Variants in CKAP4 observed in about 807,000 individuals in gnomAD.
CKAP4 encodes cytoskeleton-associated protein 4.
CKAP4 carries 20 observed loss-of-function variants against 24.4 expected under a neutral mutation model. That is an observed-to-expected ratio of 0.82 (90% CI 0.58 to 1.19). The LOEUF (loss-of-function observed/expected upper bound fraction) is 1.19. Among genes scored for constraint, CKAP4 ranks in the 50% most tolerant of loss-of-function variants. The pLI is 0.00. For missense variants in CKAP4, 744 were observed against 765.3 expected, an observed-to-expected ratio of 0.97 and a Z score of 0.33; for synonymous variants, 378 against 351.7, an observed-to-expected ratio of 1.07 and a Z score of -0.84.
Position 106,239,944 on chromosome 12 carries a change from G to C in CKAP4, c.889C>G (p.Gln297Glu). Residue 297 changes from glutamine (Q) to glutamate (E), a missense_variant, in exon 2 of 2, where the codon CAG becomes GAG. Around this residue, in one of 3 missense-constraint regions of CKAP4, gnomAD observed 401 missense variants for 424.5 expected, o/e 0.94. Coordinates refer to ENST00000378026, the MANE Select transcript of CKAP4 (RefSeq NM_006825.4). The surrounding 1 kb of genome is among the most constrained non-coding windows in gnomAD (Gnocchi z 4.9). ...CACTCTCTGGACTTGGCTGAGGTCT[G>C]TATCTCCTTCACAGCTTCCTTTAAG... ...KALKEAVKEI[Q>E]TSAKSREWDM... 1 of 1,614,048 alleles carries C rather than the reference G, an allele frequency of 6.2e-7. No individual in the cohort carries two copies. The highest frequency in any genetic ancestry group is 2.2e-5 in the East Asian group (1 of 44,874).
At position 106,247,968 on chromosome 12, in the gene CKAP4, G is replaced by A; in HGVS notation, c.-117C>T. The A allele has an allele frequency of 1.6e-6, 1 of 621,416 alleles. No individual in the cohort carries two copies. Among genetic ancestry groups the A allele is most frequent in the Non-Finnish European group, 2.0e-6 (1 of 494,488 alleles). The allele number at this position is 621,416 out of a possible 1,614,324, so 38.5% of individuals were successfully genotyped here. A position where few individuals can be genotyped will look rare whatever the true frequency, so the allele number is the denominator to read the frequency against. On this transcript the variant is annotated 5_prime_UTR_variant, in exon 1 of 2. Transcript: ENST00000378026. The surrounding 1 kb of genome is among the most constrained non-coding windows in gnomAD (Gnocchi z 4.5). Reference sequence around the variant, plus strand: ...GGCGAGCGGCACGCGGGCGCTGCTGGCGTCGGAGCGGCGAGAGGACGCGCG... The same window carrying A: ...GGCGAGCGGCACGCGGGCGCTGCTGACGTCGGAGCGGCGAGAGGACGCGCG...
rs555983559 is a variant in CKAP4, at chr12:106,244,911, C to T, written c.483+2458G>A. On this transcript the variant is annotated intron_variant, in intron 1 of 1. Coordinates refer to ENST00000378026, the MANE Select transcript of CKAP4 (RefSeq NM_006825.4). ...TCATTGTGTGGGTGGGAAAACTGAG[C>T]CCCAAAGAAGAAAGTGATCTATATA... 3.3e-5 allele frequency among the ~76,000 whole-genome samples: 5 copies of T among 152,172 alleles called. No homozygotes were observed. The South Asian group carries it at 8.3e-4, about 25-fold the overall frequency.
chr12:106,247,665 C>G lies in CKAP4; in HGVS notation c.187G>C (p.Ala63Pro). ...CCGCGGTGGCCGCCCTTGCCGTGCG[C>G]CTGGTTCTGCGGGTGCTGCTGCGGG... Reference protein sequence around the residue: ...QHPQQHPQNQAHGKGGHRGGG... With the variant: ...QHPQQHPQNQPHGKGGHRGGG... Residue 63 changes from alanine to proline, a missense_variant, in exon 1 of 2, where the codon GCG becomes CCG. Ala to Pro is a conservative substitution (Grantham distance 27, BLOSUM62 -1). Transcript: ENST00000378026. The surrounding 1 kb of genome is among the most constrained non-coding windows in gnomAD (Gnocchi z 4.5). The G allele has an allele frequency of 9.0e-7, 1 of 1,108,334 alleles. No homozygotes were observed. Among genetic ancestry groups the G allele is most frequent in the Non-Finnish European group, 1.1e-6 (1 of 891,614 alleles). 68.7% of individuals were successfully genotyped at this position (1,108,334 alleles called of 1,614,324 possible).
In CKAP4 at chr12:106,239,499, T is replaced by G. The variant is rs998058492; in HGVS notation, c.1334A>C (p.Glu445Ala). 1 of 1,608,584 alleles carries G rather than the reference T, an allele frequency of 6.2e-7. No individual in the cohort carries two copies. Reference sequence around the variant, plus strand: ...CCCCTGCAGGGCGGCCAGGCGCTGCTCGTGCTCCTGGCTCTTGGACAGGAG... The same window carrying G: ...CCCCTGCAGGGCGGCCAGGCGCTGCGCGTGCTCCTGGCTCTTGGACAGGAG... Reference protein sequence around the residue: ...ESLLSKSQEHEQRLAALQGRL... With the variant: ...ESLLSKSQEHAQRLAALQGRL... Residue 445 changes from glutamate (E) to alanine (A), a missense_variant, in exon 2 of 2, where the codon GAG becomes GCG. This residue lies in a region of CKAP4 where 401 missense variants were observed against 424.5 expected (regional missense o/e 0.94). Transcript: ENST00000378026. The surrounding 1 kb of genome is among the most constrained non-coding windows in gnomAD (Gnocchi z 4.9).
intron 1 of CKAP4, among the ~76,000 whole-genome samples, chr12:106,244,977 G>A (rs2033995889): frequency 6.6e-6 from 1 of 152,068 alleles, no homozygotes; most frequent in Admixed American, 6.6e-5. Context: ...AAAAAGAAGG[G>A]ACTAAGTGAG....
Position 106,247,071 on chromosome 12 carries a change from CCT to C in CKAP4, c.483+296_483+297del, listed in dbSNP as rs2136538030. 1 of 350,918 alleles carries C rather than the reference CCT, an allele frequency of 2.8e-6. No individual in the cohort carries two copies. The highest frequency in any genetic ancestry group is 5.0e-5 in the East Asian group (1 of 19,976). 21.7% of individuals were successfully genotyped at this position (350,918 alleles called of 1,614,324 possible). On this transcript the variant is annotated intron_variant, in intron 1 of 1. Coordinates refer to ENST00000378026, the MANE Select transcript of CKAP4 (RefSeq NM_006825.4). This position sits in a 1 kb window ranked among gnomAD's most constrained non-coding sequence, Gnocchi z 4.5. ...CTTCCTTACAGGTCACCGCTAATGC[CCT>C]GTGACAGGCCCTTGGCCCACCCTGC...
In CKAP4 at chr12:106,247,226, G is replaced by A. The variant is rs1222433084; in HGVS notation, c.483+143C>T. 3.8e-5 allele frequency: 25 copies of A among 655,994 alleles called. No individual in the cohort carries two copies. Among genetic ancestry groups the A allele is most frequent in the Non-Finnish European group, 5.6e-5 (23 of 411,450 alleles). 40.6% of individuals were successfully genotyped at this position (655,994 alleles called of 1,614,324 possible). On this transcript the variant is annotated intron_variant, in intron 1 of 1. Coordinates refer to ENST00000378026, the MANE Select transcript of CKAP4 (RefSeq NM_006825.4). The surrounding 1 kb of genome is among the most constrained non-coding windows in gnomAD (Gnocchi z 4.5). ...GCGTGGAGTGGGATGTCTAGGCCAGGGCCCGCCAAGGAGGAGCGGCCGGCT... is the reference window on the plus strand; with the variant it reads ...GCGTGGAGTGGGATGTCTAGGCCAGAGCCCGCCAAGGAGGAGCGGCCGGCT...
At chr12:106,240,668 CAA>C (rs34175879) in intron 1 of CKAP4, among the ~76,000 whole-genome samples, 15 of 86,398 alleles carry the variant, frequency 1.7e-4, no homozygotes, top group Non-Finnish European at 2.4e-4. Context: ...TGCTTTGTTG[CAA>C]AAAAAAAAAA....
Position 106,239,206 on chromosome 12 carries a change from C to A in CKAP4, c.1627G>T (p.Val543Phe). ...LSSLDNLKASVSQVEADLKML... is the reference protein window; with the variant it reads ...LSSLDNLKASFSQVEADLKML... ...TTCAAGTCCGCCTCCACTTGGCTGA[C>A]TGAGGCTTTCAGGTTGTCTAGAGAA... The change falls in exon 2 of 2, where the codon GTC becomes TTC. Residue 543 changes from valine (V) to phenylalanine (F), a missense_variant. Physicochemically the swap from Val to Phe is conservative, Grantham distance 50. This residue lies in a region of CKAP4 where 401 missense variants were observed against 424.5 expected (regional missense o/e 0.94). Transcript: ENST00000378026. The surrounding 1 kb of genome is among the most constrained non-coding windows in gnomAD (Gnocchi z 4.9). The A allele has an allele frequency of 6.2e-7, 1 of 1,614,182 alleles. No homozygotes were observed. The highest frequency in any genetic ancestry group is 8.5e-7 in the Non-Finnish European group (1 of 1,180,044).
chr12:106,241,699 G>A lies in CKAP4; in HGVS notation c.484-1350C>T, dbSNP rs569165197. ...GCCAGGACAACACAGGCTCTTTAGA[G>A]GCCCTAAAGCTGAACTGCCAACATT... On this transcript the variant is annotated intron_variant, in intron 1 of 1. Coordinates refer to ENST00000378026, the MANE Select transcript of CKAP4 (RefSeq NM_006825.4). Among the ~76,000 whole-genome samples, 4 of 152,276 alleles carry A rather than the reference G, an allele frequency of 2.6e-5. No homozygotes were observed. In the South Asian group the frequency reaches 8.3e-4, roughly 32 times the overall value.
intron 1 of CKAP4, among the ~76,000 whole-genome samples, chr12:106,245,462 T>A (rs911504571): frequency 2.6e-5 from 4 of 152,302 alleles, no homozygotes; most frequent in African/African-American, 9.6e-5. Context: ...AGTATGTCTA[T>A]TTTTTAAGAA....
chr12:106,241,447 C>G (rs2033969968), intron 1 of CKAP4, among the ~76,000 whole-genome samples: 1 of 150,898 alleles, frequency 6.6e-6, no homozygotes, highest in Non-Finnish European at 1.5e-5. Context: ...ATTCTCCTGC[C>G]TCAGCCTCCC....
Position 106,239,277 on chromosome 12 carries a change from G to A in CKAP4, c.1556C>T (p.Ala519Val), listed in dbSNP as rs1214030004. 1 of 1,612,806 alleles carries A rather than the reference G, an allele frequency of 6.2e-7. No homozygotes were observed. Among genetic ancestry groups the A allele is most frequent in the Non-Finnish European group, 8.5e-7 (1 of 1,180,034 alleles). ...QVHTLLSQDQ[A>V]QAARLPPQDF... ...CTGAGGAGGCAGACGGGCGGCCTGGGCTTGGTCCTGACTGAGCAGCGTGTG... is the reference window on the plus strand; with the variant it reads ...CTGAGGAGGCAGACGGGCGGCCTGGACTTGGTCCTGACTGAGCAGCGTGTG... Residue 519 changes from alanine (A) to valine (V), a missense_variant, in exon 2 of 2, where the codon GCC becomes GTC. Physicochemically the swap from Ala to Val is moderately conservative, Grantham distance 64. Transcript: ENST00000378026. This position sits in a 1 kb window ranked among gnomAD's most constrained non-coding sequence, Gnocchi z 4.9.
intron 1 of CKAP4, among the ~76,000 whole-genome samples, chr12:106,241,913 G>A (rs1273205401): frequency 2.0e-5 from 3 of 152,116 alleles, no homozygotes; most frequent in Non-Finnish European, 4.4e-5. Flanking sequence ...AAAAAAAGTG[G>A]CAGAGGGGAA....
chr12:106,241,793 T>C (rs2033972851), intron 1 of CKAP4, among the ~76,000 whole-genome samples: 1 of 151,988 alleles, frequency 6.6e-6, no homozygotes, highest in Non-Finnish European at 1.5e-5. Context: ...CCTCTCTGCC[T>C]GTGCTATGGC....
intron 1 of CKAP4, among the ~76,000 whole-genome samples, chr12:106,240,902 AT>A (rs1275054569): frequency 6.6e-6 from 1 of 152,142 alleles, no homozygotes; most frequent in Non-Finnish European, 1.5e-5. Flanking sequence ...TCAATCAAAT[AT>A]AATGTGTGGA....
In CKAP4 at chr12:106,239,015, G is replaced by A. The variant is rs746491744; in HGVS notation, c.*9C>T. On this transcript the variant is annotated 3_prime_UTR_variant, in exon 2 of 2. Coordinates refer to ENST00000378026, the MANE Select transcript of CKAP4 (RefSeq NM_006825.4). This position sits in a 1 kb window ranked among gnomAD's most constrained non-coding sequence, Gnocchi z 4.9. ...GACTTTAAATCCGCGCCCTGCACAC[G>A]CAATTCATTTAGACCTTTTCGTGAA... 7.5e-6 allele frequency: 12 copies of A among 1,607,142 alleles called. No homozygotes were observed. Among genetic ancestry groups the A allele is most frequent in the African/African-American group, 5.4e-5 (4 of 74,746 alleles).
At chr12:106,244,004 C>G (rs951983709) in intron 1 of CKAP4, among the ~76,000 whole-genome samples, 3 of 152,326 alleles carry the variant, frequency 2.0e-5, no homozygotes, top group Admixed American at 6.5e-5. Context: ...ACTCCACCCC[C>G]CAACAAGTAA....
At chr12:106,243,684 G>A (rs1412039181) in intron 1 of CKAP4, among the ~76,000 whole-genome samples, 1 of 152,228 alleles carries the variant, frequency 6.6e-6, no homozygotes, top group African/African-American at 2.4e-5. Flanking sequence ...GGACAGGCCT[G>A]CCTCTCTGCC....
Sources: gnomAD v4.1 joint callset for allele counts (sites outside exome capture counted in the v4.1 genomes callset) on GRCh38, gnomAD v4.1.1 for gene constraint, gnomAD v4.1.1 regional missense constraint, Gnocchi (gnomAD v3.1) non-coding constraint, MANE v1.5 for transcripts, NCBI Gene and HGNC (gene_info 2026-07-23, HGNC 2026-07-21) for gene names.